AK5: variants seen among roughly 807,000 people sequenced by gnomAD.
AK5 encodes the protein adenylate kinase 5.
In AK5, 27 loss-of-function variants were observed where a neutral mutation model predicts 69.5. The ratio of observed to expected loss-of-function variants is 0.39; its 90% CI spans 0.29 to 0.54. The LOEUF is 0.54. Ranked by LOEUF, AK5 falls within the 20% of genes least tolerant of loss-of-function variation. AK5 has a pLI of 0.71. For missense variants in AK5, 531 were observed against 700.4 expected (o/e 0.76, Z 2.73); for synonymous variants, 260 against 244.4 (o/e 1.06, Z -0.60).
rs187853465 is a variant in AK5, at chr1:77,407,531, A to T, written c.892-3450A>T. On this transcript the variant is annotated intron_variant, in intron 6 of 13. Transcript: ENST00000354567. ...AAAGGGATTCCAAAGGGGCATGAGGAGTCTTTGGGGGGTGATGGGTATGTT... is the reference window on the plus strand; with the variant it reads ...AAAGGGATTCCAAAGGGGCATGAGGTGTCTTTGGGGGGTGATGGGTATGTT... Among the ~76,000 whole-genome samples, 17 of 152,238 alleles carry T rather than the reference A, an allele frequency of 1.1e-4. No homozygotes were observed. The East Asian group carries it at 3.3e-3, about 29-fold the overall frequency.
intron 8 of AK5, among the ~76,000 whole-genome samples, chr1:77,469,300 G>A (rs1202900187): frequency 6.6e-6 from 1 of 152,208 alleles, no homozygotes; most frequent in East Asian, 1.9e-4. Flanking sequence ...TGCTGTGAAG[G>A]TGTTTTGTAG....
chr1:77,352,130 A>G (rs1341037059), intron 6 of AK5, among the ~76,000 whole-genome samples: 3 of 151,942 alleles, frequency 2.0e-5, no homozygotes, highest in African/African-American at 7.3e-5. Context: ...GGGTTTCACC[A>G]TGTTGGCCAG....
At chr1:77,391,440 C>CAT (rs150964634) in intron 6 of AK5, among the ~76,000 whole-genome samples, 31,628 of 104,008 alleles carry the variant, frequency 0.3, 4,242 homozygotes, top group East Asian at 0.45. Flanking sequence ...TACATATATA[C>CAT]ATATATGTGT....
At chr1:77,426,875 C>G (rs1479929931) in intron 8 of AK5, among the ~76,000 whole-genome samples, 1 of 152,086 alleles carries the variant, frequency 6.6e-6, no homozygotes, top group Non-Finnish European at 1.5e-5. Context: ...CAGCACATTT[C>G]TAAATAACAC....
chr1:77,503,669 A>T (rs952359151), intron 10 of AK5, among the ~76,000 whole-genome samples: 2 of 152,172 alleles, frequency 1.3e-5, no homozygotes, highest in African/African-American at 4.8e-5. Context: ...TGGGAGGCCG[A>T]GGCAGACGGA....
chr1:77,301,991 T>A (rs1009430763), intron 5 of AK5, among the ~76,000 whole-genome samples: 2 of 151,714 alleles, frequency 1.3e-5, no homozygotes, highest in African/African-American at 4.8e-5. Flanking sequence ...TCCTTCTCTG[T>A]CAGCCAGGGT....
At chr1:77,393,518 T>C (rs1243106375) in intron 6 of AK5, among the ~76,000 whole-genome samples, 2 of 152,162 alleles carry the variant, frequency 1.3e-5, no homozygotes, top group African/African-American at 4.8e-5. Context: ...AGCTAAGAAG[T>C]TGTCAGAAAG....
chr1:77,335,463 GA>G (rs1416137659), intron 5 of AK5, among the ~76,000 whole-genome samples: 1 of 151,518 alleles, frequency 6.6e-6, no homozygotes, highest in Non-Finnish European at 1.5e-5. Context: ...TAAGGAAAAG[GA>G]TGCAAAGGAT....
chr1:77,440,645 A>G (rs1652266071), intron 8 of AK5, among the ~76,000 whole-genome samples: 1 of 152,130 alleles, frequency 6.6e-6, no homozygotes, highest in Non-Finnish European at 1.5e-5. Context: ...ATGGTGTCCC[A>G]TAAGTCTTGT....
chr1:77,513,103 CTTCATGATACT>C (rs1657443358), intron 10 of AK5, among the ~76,000 whole-genome samples: 1 of 152,204 alleles, frequency 6.6e-6, no homozygotes, highest in African/African-American at 2.4e-5. Flanking sequence ...ATCCCGTGCC[CTTCATGATACT>C]TCATACTCCT....
intron 8 of AK5, among the ~76,000 whole-genome samples, chr1:77,424,342 C>G (rs930255079): frequency 4.6e-4 from 70 of 152,066 alleles, no homozygotes; most frequent in African/African-American, 1.6e-3. Context: ...CTCACTGCAG[C>G]CTTGAGCTCC....
chr1:77,557,753 A>G (rs1660183645), intron 13 of AK5, among the ~76,000 whole-genome samples: 1 of 152,050 alleles, frequency 6.6e-6, no homozygotes, highest in Admixed American at 6.5e-5. Flanking sequence ...GACCCCTAGC[A>G]ATGTTTTACC....
intron 11 of AK5, among the ~76,000 whole-genome samples, chr1:77,521,191 T>C (rs955781826): frequency 6.6e-6 from 1 of 152,052 alleles, no homozygotes; most frequent in Non-Finnish European, 1.5e-5. Flanking sequence ...TGGAGGGCTG[T>C]GGCAGGATCT....
chr1:77,472,521 G>A (rs948106845), intron 8 of AK5, among the ~76,000 whole-genome samples: 1 of 151,326 alleles, frequency 6.6e-6, no homozygotes, highest in African/African-American at 2.4e-5. Flanking sequence ...AGGGAGGATG[G>A]AAATGCAAGG....
chr1:77,430,045 C>T (rs1651501376), intron 8 of AK5, among the ~76,000 whole-genome samples: 1 of 151,128 alleles, frequency 6.6e-6, no homozygotes, highest in South Asian at 2.1e-4. Context: ...AGTGTGTTGA[C>T]ATAATTATAT....
chr1:77,508,352 C>T (rs553840369), intron 10 of AK5, among the ~76,000 whole-genome samples: 1 of 152,298 alleles, frequency 6.6e-6, no homozygotes, highest in East Asian at 1.9e-4. Context: ...ATGTACAGAT[C>T]TGCTAATTCA....
intron 8 of AK5, among the ~76,000 whole-genome samples, chr1:77,476,370 C>T (rs1352665346): frequency 1.3e-5 from 2 of 152,200 alleles, no homozygotes; most frequent in African/African-American, 4.8e-5. Context: ...TCTCCCTTCT[C>T]CCTGGTGATA....
intron 8 of AK5, among the ~76,000 whole-genome samples, chr1:77,450,635 T>C (rs974806101): frequency 2.0e-5 from 3 of 152,208 alleles, no homozygotes; most frequent in African/African-American, 7.2e-5. Context: ...GGCATGCTGC[T>C]GCCCCAGAAT....
At chr1:77,390,818 A>T (rs957976454) in intron 6 of AK5, among the ~76,000 whole-genome samples, 1 of 152,232 alleles carries the variant, frequency 6.6e-6, no homozygotes, top group African/African-American at 2.4e-5. Context: ...AGCTCTAAAA[A>T]AGCTAAAGTA....
Sources: gnomAD v4.1 joint callset for allele counts (sites outside exome capture counted in the v4.1 genomes callset) on GRCh38, gnomAD v4.1.1 for gene constraint, MANE v1.5 for transcripts, NCBI Gene and HGNC (gene_info 2026-07-23, HGNC 2026-07-21) for gene names.